The following PALM2AKAP2 variants were observed in gnomAD, a reference collection of about 807,000 sequenced individuals.
PALM2AKAP2 encodes the protein PALM2-AKAP2 fusion protein.
A neutral mutation model predicts 71.5 loss-of-function variants in PALM2AKAP2; 37 were observed. That is an observed-to-expected ratio of 0.52 (90% CI 0.40 to 0.68). The LOEUF is 0.68. Among genes scored for constraint, PALM2AKAP2 ranks in the 30% least tolerant of loss-of-function variants. PALM2AKAP2 has a pLI of 0.00. For synonymous variants in PALM2AKAP2, 468 were observed against 478.8 expected, an observed-to-expected ratio of 0.98 and a Z score of 0.29; for missense variants, 1,224 against 1,191.8, an observed-to-expected ratio of 1.03 and a Z score of -0.40.
intron 1 of PALM2AKAP2, among the ~76,000 whole-genome samples, chr9:109,691,461 A>G (rs1031329120): frequency 4.6e-5 from 7 of 152,038 alleles, no homozygotes; most frequent in Non-Finnish European, 1.0e-4. Flanking sequence ...AGCATTTCAA[A>G]TTGTGATCTT....
At chr9:109,649,031 C>T (rs1827189471) in intron 1 of PALM2AKAP2, among the ~76,000 whole-genome samples, 1 of 152,022 alleles carries the variant, frequency 6.6e-6, no homozygotes, top group Non-Finnish European at 1.5e-5. Flanking sequence ...GATGGCTTGC[C>T]TACTCCCATC....
chr9:109,923,876 A>G, intron 4 of PALM2AKAP2, 27 bp downstream of exon 4: 2 of 1,545,654 alleles, frequency 1.3e-6, no homozygotes, highest in Non-Finnish European at 8.7e-7. Flanking sequence ...CGATTTCTCA[A>G]AGTTATTTCC....
At chr9:109,666,026 G>A (rs979974281) in intron 1 of PALM2AKAP2, among the ~76,000 whole-genome samples, 8 of 152,232 alleles carry the variant, frequency 5.3e-5, no homozygotes, top group Non-Finnish European at 8.8e-5. Flanking sequence ...CTTGTCTGCC[G>A]GTTGCTAAGA....
chr9:110,096,109 T>C (rs1379617024), intron 1 of PALM2AKAP2, among the ~76,000 whole-genome samples: 1 of 152,202 alleles, frequency 6.6e-6, no homozygotes, highest in East Asian at 1.9e-4. Context: ...AATTTATTAT[T>C]ACTGTTCCAA....
chr9:109,853,492 A>C (rs1208967895), intron 1 of PALM2AKAP2, among the ~76,000 whole-genome samples: 3 of 152,232 alleles, frequency 2.0e-5, no homozygotes. Context: ...CTTCATTTGC[A>C]ATGACTGCAT....
intron 1 of PALM2AKAP2, among the ~76,000 whole-genome samples, chr9:109,753,321 G>T (rs1279025628): frequency 6.6e-6 from 1 of 152,094 alleles, no homozygotes; most frequent in Non-Finnish European, 1.5e-5. Flanking sequence ...GTACTTAGTG[G>T]TTGTTTCCAA....
At chr9:109,812,156 G>T (rs1827742118) in intron 1 of PALM2AKAP2, among the ~76,000 whole-genome samples, 1 of 152,234 alleles carries the variant, frequency 6.6e-6, no homozygotes, top group African/African-American at 2.4e-5. Flanking sequence ...CTGAAGCCAG[G>T]ATCTGTCCCA....
At chr9:110,010,169 A>G (rs2132315561) in intron 6 of PALM2AKAP2, among the ~76,000 whole-genome samples, 1 of 152,320 alleles carries the variant, frequency 6.6e-6, no homozygotes. Flanking sequence ...ACAAGTAGAC[A>G]GGTCTCAATT....
intron 7 of PALM2AKAP2, among the ~76,000 whole-genome samples, chr9:110,030,845 A>G (rs1833266480): frequency 6.6e-6 from 1 of 152,258 alleles, no homozygotes; most frequent in Non-Finnish European, 1.5e-5. Flanking sequence ...ATTGCCTAGC[A>G]GAGCAGGCCA....
intron 1 of PALM2AKAP2, among the ~76,000 whole-genome samples, chr9:109,683,108 A>G (rs1357968681): frequency 3.3e-5 from 5 of 152,112 alleles, no homozygotes; most frequent in Admixed American, 6.6e-5. Flanking sequence ...TGCTTTCACC[A>G]TGTGAAGTGC....
At chr9:110,068,659 G>A (rs1834139470) in intron 1 of PALM2AKAP2, among the ~76,000 whole-genome samples, 1 of 152,018 alleles carries the variant, frequency 6.6e-6, no homozygotes, top group Admixed American at 6.6e-5. Flanking sequence ...AGCCTCCCGA[G>A]TAGCTGAGAC....
chr9:109,814,918 G>A (rs1276642883), intron 1 of PALM2AKAP2, among the ~76,000 whole-genome samples: 1 of 152,126 alleles, frequency 6.6e-6, no homozygotes, highest in Admixed American at 6.6e-5. Context: ...GTGGGTCATG[G>A]GAATCTCTCA....
At chr9:109,912,314 A>T (rs73537460) in intron 3 of PALM2AKAP2, among the ~76,000 whole-genome samples, 41 of 152,234 alleles carry the variant, frequency 2.7e-4, no homozygotes, top group African/African-American at 9.9e-4. Context: ...GTGAGGAAAA[A>T]AAAAAAAGAG....
exon 4 of PALM2AKAP2, chr9:110,168,581 T>A: frequency 6.7e-7 from 1 of 1,484,320 alleles, no homozygotes; most frequent in Non-Finnish European, 9.1e-7. Context: ...TTTAATGGAC[T>A]ATTTATTAAA....
chr9:109,890,528 A>G (rs997861488), intron 3 of PALM2AKAP2, among the ~76,000 whole-genome samples: 2 of 152,190 alleles, frequency 1.3e-5, no homozygotes, highest in African/African-American at 4.8e-5. Context: ...TCCTTCTACT[A>G]TCCTAAAAGC....
chr9:109,777,533 A>G (rs1005349549), upstream of PALM2AKAP2, among the ~76,000 whole-genome samples: 1 of 152,104 alleles, frequency 6.6e-6, no homozygotes, highest in Admixed American at 6.5e-5. Context: ...AGCAGTTTGT[A>G]CTCATGGTTG....
chr9:110,005,163 AC>A (rs1178659389), intron 6 of PALM2AKAP2, among the ~76,000 whole-genome samples: 3 of 151,646 alleles, frequency 2.0e-5, no homozygotes, highest in African/African-American at 7.3e-5. Context: ...GGTTTTATCT[AC>A]CTTTGGTCTT....
At chr9:109,865,716 A>G (rs963934003) in intron 1 of PALM2AKAP2, among the ~76,000 whole-genome samples, 3 of 152,236 alleles carry the variant, frequency 2.0e-5, no homozygotes, top group Admixed American at 6.5e-5. Context: ...AGCCTCTCAT[A>G]TCTATGACAT....
intron 3 of PALM2AKAP2, among the ~76,000 whole-genome samples, chr9:109,918,111 C>G (rs1025950263): frequency 6.6e-6 from 1 of 152,170 alleles, no homozygotes; most frequent in East Asian, 1.9e-4. Context: ...GTTCACATGG[C>G]TGTTTGCATT....
Sources: allele counts gnomAD v4.1 joint callset (sites outside exome capture counted in the v4.1 genomes callset), GRCh38; gene constraint gnomAD v4.1.1; transcripts MANE v1.5; gene names NCBI Gene and HGNC (gene_info 2026-07-23, HGNC 2026-07-21).